The following DCC variants were observed in gnomAD, a reference collection of about 807,000 sequenced individuals.
DCC encodes the protein netrin receptor DCC.
A neutral mutation model predicts 172.5 loss-of-function variants in DCC; 58 were observed. The ratio of observed to expected loss-of-function variants is 0.34; its 90% CI spans 0.27 to 0.42. The LOEUF is 0.42. Ranked by LOEUF, DCC falls within the 10% of genes least tolerant of loss-of-function variation. DCC has a pLI of 1.00. For synonymous variants in DCC, 709 were observed against 644.5 expected, an observed-to-expected ratio of 1.10 and a Z score of -1.52; for missense variants, 1,740 against 1,791.0, an observed-to-expected ratio of 0.97 and a Z score of 0.51.
chr18:53,124,149 G>T lies in DCC; in HGVS notation c.1262-33207G>T, dbSNP rs1598825523. On this transcript the variant is annotated intron_variant, in intron 7 of 28. Transcript: ENST00000442544. ...ACACTTTTCATTTTTCTTTTGTTTT[G>T]TTCTTAACCAATTGCTTTCTGTTGT... 2.0e-5 allele frequency among the ~76,000 whole-genome samples: 3 copies of T among 151,732 alleles called. No homozygotes were observed. In the East Asian group the frequency reaches 5.8e-4, roughly 29 times the overall value.
At chr18:53,070,013 T>C (rs959693220) in intron 7 of DCC, among the ~76,000 whole-genome samples, 15 of 150,450 alleles carry the variant, frequency 1.0e-4, no homozygotes, top group Non-Finnish European at 2.2e-4. Context: ...AGAATCTCAC[T>C]CTGTCTCCCA....
chr18:52,900,726 T>C (rs1378967366), intron 2 of DCC, among the ~76,000 whole-genome samples: 5 of 152,204 alleles, frequency 3.3e-5, no homozygotes, highest in Non-Finnish European at 5.9e-5. Context: ...AATGTGGAAA[T>C]CTGTAAGTTG....
At chr18:52,625,651 A>G (rs981274337) in intron 1 of DCC, among the ~76,000 whole-genome samples, 14 of 152,292 alleles carry the variant, frequency 9.2e-5, no homozygotes, top group African/African-American at 3.4e-4. Context: ...CTGCCACCAC[A>G]GACATCTCCT....
At chr18:52,563,927 A>G (rs1568231200) in intron 1 of DCC, among the ~76,000 whole-genome samples, 1 of 152,150 alleles carries the variant, frequency 6.6e-6, no homozygotes, top group South Asian at 2.1e-4. Context: ...GTTCTAGTCA[A>G]TTGACTTGCA....
At chr18:52,807,458 G>T (rs1398118447) in intron 2 of DCC, among the ~76,000 whole-genome samples, 1 of 152,192 alleles carries the variant, frequency 6.6e-6, no homozygotes, top group Non-Finnish European at 1.5e-5. Context: ...CAAAGAGAAA[G>T]CTGCGTATAT....
intron 1 of DCC, among the ~76,000 whole-genome samples, chr18:52,369,316 T>C (rs1985014522): frequency 6.6e-6 from 1 of 152,200 alleles, no homozygotes; most frequent in East Asian, 1.9e-4. Flanking sequence ...AATAGTTAGA[T>C]TTTTATTTGC....
At chr18:53,073,202 T>C (rs1264902615) in intron 7 of DCC, among the ~76,000 whole-genome samples, 1 of 151,818 alleles carries the variant, frequency 6.6e-6, no homozygotes, top group African/African-American at 2.4e-5. Flanking sequence ...AATAATCACG[T>C]TTTTATTGGA....
At chr18:52,939,449 A>T (rs936978790) in intron 5 of DCC, among the ~76,000 whole-genome samples, 5 of 152,204 alleles carry the variant, frequency 3.3e-5, no homozygotes, top group Admixed American at 6.5e-5. Context: ...AGTGAAATAT[A>T]AACCCCACTG....
chr18:53,380,618 A>T (rs1288527671), intron 15 of DCC, among the ~76,000 whole-genome samples: 1 of 152,184 alleles, frequency 6.6e-6, no homozygotes, highest in Non-Finnish European at 1.5e-5. Flanking sequence ...TGTGAAAAGC[A>T]TAAAAGAAAG....
chr18:53,095,317 G>A (rs956681999), intron 7 of DCC, among the ~76,000 whole-genome samples: 1 of 152,150 alleles, frequency 6.6e-6, no homozygotes, highest in African/African-American at 2.4e-5. Flanking sequence ...TGGATGGTCT[G>A]TTTCTGTCCC....
intron 1 of DCC, among the ~76,000 whole-genome samples, chr18:52,700,642 T>C (rs138447633): frequency 5.9e-5 from 9 of 152,376 alleles, no homozygotes; most frequent in Non-Finnish European, 1.2e-4. Flanking sequence ...AATATAAGCT[T>C]GCTTCTTTCA....
At chr18:52,393,889 T>C (rs978955380) in intron 1 of DCC, among the ~76,000 whole-genome samples, 1 of 152,120 alleles carries the variant, frequency 6.6e-6, no homozygotes, top group African/African-American at 2.4e-5. Flanking sequence ...TTAAGACCCC[T>C]TTCAGATTCA....
At chr18:52,469,510 T>A (rs1214134469) in intron 1 of DCC, among the ~76,000 whole-genome samples, 3 of 152,176 alleles carry the variant, frequency 2.0e-5, no homozygotes, top group African/African-American at 7.2e-5. Context: ...TTTATAAGAA[T>A]GAGTGGAAAA....
At chr18:52,444,755 A>C (rs1207979553) in intron 1 of DCC, among the ~76,000 whole-genome samples, 3 of 152,130 alleles carry the variant, frequency 2.0e-5, no homozygotes, top group Non-Finnish European at 4.4e-5. Context: ...AATCATCTCA[A>C]AATATCATTG....
chr18:53,412,904 T>G (rs925776056), intron 20 of DCC, among the ~76,000 whole-genome samples: 24 of 152,318 alleles, frequency 1.6e-4, no homozygotes, highest in African/African-American at 4.8e-4. Context: ...ACATATATGA[T>G]GTATCTAATT....
At chr18:52,382,203 C>T (rs1029256868) in intron 1 of DCC, among the ~76,000 whole-genome samples, 12 of 152,164 alleles carry the variant, frequency 7.9e-5, no homozygotes, top group Non-Finnish European at 1.3e-4. Context: ...TCATAGACCA[C>T]GCAGTCATTA....
At chr18:53,016,412 A>G (rs1030202293) in intron 5 of DCC, among the ~76,000 whole-genome samples, 1 of 152,124 alleles carries the variant, frequency 6.6e-6, no homozygotes, top group Non-Finnish European at 1.5e-5. Context: ...AGCTGAAATA[A>G]ACAATGCATT....
intron 1 of DCC, among the ~76,000 whole-genome samples, chr18:52,448,784 A>G (rs1037502041): frequency 1.3e-5 from 2 of 152,174 alleles, no homozygotes; most frequent in African/African-American, 4.8e-5. Flanking sequence ...TTGTACTTTT[A>G]CCTTCCCAGC....
intron 12 of DCC, among the ~76,000 whole-genome samples, chr18:53,304,824 G>A (rs1046250708): frequency 4.6e-5 from 7 of 151,960 alleles, no homozygotes; most frequent in African/African-American, 1.2e-4. Context: ...TTAGTTTTCC[G>A]GCTCTCTTCT....
Sources: allele counts gnomAD v4.1 joint callset (sites outside exome capture counted in the v4.1 genomes callset), GRCh38; gene constraint gnomAD v4.1.1; transcripts MANE v1.5; gene names NCBI Gene and HGNC (gene_info 2026-07-23, HGNC 2026-07-21).